Variants in THSD7B observed in about 807,000 individuals in gnomAD.
The protein encoded by THSD7B is thrombospondin type-1 domain-containing protein 7B.
A neutral mutation model predicts 213.6 loss-of-function variants in THSD7B; 138 were observed. That is an observed-to-expected ratio of 0.65 (90% CI 0.56 to 0.74). THSD7B has a LOEUF of 0.74. THSD7B is among the 30% of genes least tolerant of loss of function. The pLI is 0.00. For synonymous variants in THSD7B, 742 were observed against 687.0 expected (o/e 1.08, Z -1.25); for missense variants, 1,931 against 1,991.5 (o/e 0.97, Z 0.58).
At chr2:136,888,864 A>G (rs17722488) in intron 2 of THSD7B, among the ~76,000 whole-genome samples, 4,994 of 152,270 alleles carry the variant, frequency 0.033, 99 homozygotes, top group Middle Eastern at 0.1. Flanking sequence ...TGTCAAGAAT[A>G]TACATAACCT....
At chr2:137,228,106 C>T (rs1457335244) in intron 7 of THSD7B, among the ~76,000 whole-genome samples, 1 of 150,480 alleles carries the variant, frequency 6.6e-6, no homozygotes, top group African/African-American at 2.4e-5. Context: ...TTAATTGAGT[C>T]TGGCTAGACA....
intron 2 of THSD7B, among the ~76,000 whole-genome samples, chr2:136,943,437 A>G (rs1197407084): frequency 6.6e-6 from 1 of 152,064 alleles, no homozygotes; most frequent in Non-Finnish European, 1.5e-5. Context: ...TATTAATTGG[A>G]ATAGTTTCAG....
rs1269076836 is a variant in THSD7B, at chr2:137,233,043, G to A, written c.2060G>A (p.Gly687Asp). 1.2e-6 allele frequency: 2 copies of A among 1,613,856 alleles called. No homozygotes were observed. Among genetic ancestry groups the A allele is most frequent in the African/African-American group, 2.7e-5 (2 of 74,944 alleles). The change falls in exon 9 of 28, where the codon GGC becomes GAC. Residue 687 changes from glycine to aspartate, a missense_variant. By Grantham distance (94) the Gly-to-Asp change is moderately conservative. Coordinates refer to ENST00000409968, the MANE Select transcript of THSD7B (RefSeq NM_001316349.2). ...TLVTALNATI[G>D]WNGEATCGVG... ...GTAACTGCCCTTAATGCAACCATTG[G>A]CTGGAATGGAGAAGCCACGTGTGGT...
Position 137,170,945 on chromosome 2 carries a change from C to T in THSD7B, c.1723+7C>T, listed in dbSNP as rs1257223741. ...GTCTGCCAGAATGACCGCGGTATGA[C>T]CCAGTGACCCACTAGAGGTGTTAGG... On this transcript the variant is annotated splice_region_variant and intron_variant, in intron 7 of 27. Coordinates refer to ENST00000409968, the MANE Select transcript of THSD7B (RefSeq NM_001316349.2). 6.2e-7 allele frequency: 1 copy of T among 1,611,474 alleles called. No homozygotes were observed. Among genetic ancestry groups the T allele is most frequent in the Non-Finnish European group, 8.5e-7 (1 of 1,179,524 alleles).
intron 2 of THSD7B, among the ~76,000 whole-genome samples, chr2:137,042,343 T>C (rs1242754802): frequency 6.6e-6 from 1 of 152,204 alleles, no homozygotes; most frequent in Non-Finnish European, 1.5e-5. Flanking sequence ...AAAGATCATT[T>C]ACCTCATCTA....
At chr2:136,919,098 C>T (rs1684394198) in intron 2 of THSD7B, among the ~76,000 whole-genome samples, 1 of 152,134 alleles carries the variant, frequency 6.6e-6, no homozygotes, top group Non-Finnish European at 1.5e-5. Context: ...GAAACAATTT[C>T]CCAAATGATG....
chr2:137,036,043 A>G (rs1008044148), intron 2 of THSD7B, among the ~76,000 whole-genome samples: 7 of 152,198 alleles, frequency 4.6e-5, no homozygotes, highest in African/African-American at 7.2e-5. Context: ...AAAATGTGCA[A>G]ACACTTAAAA....
chr2:137,483,208 G>A (rs967056253), intron 15 of THSD7B, among the ~76,000 whole-genome samples: 5 of 152,196 alleles, frequency 3.3e-5, no homozygotes, highest in African/African-American at 1.2e-4. Flanking sequence ...TGACCAGAAT[G>A]TTCTACGTGC....
intron 1 of THSD7B, among the ~76,000 whole-genome samples, chr2:136,772,867 G>A (rs1681533099): frequency 6.6e-6 from 1 of 152,116 alleles, no homozygotes; most frequent in South Asian, 2.1e-4. Context: ...GAGTTTTCTT[G>A]ACATGAACTT....
intron 15 of THSD7B, among the ~76,000 whole-genome samples, chr2:137,542,587 A>G (rs1680629502): frequency 6.6e-6 from 1 of 151,708 alleles, no homozygotes; most frequent in Non-Finnish European, 1.5e-5. Flanking sequence ...ATAACACAAT[A>G]TACATTCTTC....
chr2:137,398,551 C>T (rs1166128070), intron 12 of THSD7B, among the ~76,000 whole-genome samples: 2 of 151,716 alleles, frequency 1.3e-5, no homozygotes, highest in African/African-American at 4.8e-5. Flanking sequence ...GCTGGGAGAA[C>T]CACTGCTCTC....
intron 2 of THSD7B, among the ~76,000 whole-genome samples, chr2:136,945,153 A>G (rs1484557314): frequency 6.6e-6 from 1 of 152,126 alleles, no homozygotes; most frequent in African/African-American, 2.4e-5. Context: ...TCTGAAGCTT[A>G]GTTTGGCTGG....
intron 21 of THSD7B, among the ~76,000 whole-genome samples, chr2:137,650,398 A>G (rs1416450919): frequency 1.3e-5 from 2 of 152,204 alleles, no homozygotes; most frequent in Non-Finnish European, 1.5e-5. Flanking sequence ...CTGTTGGTGT[A>G]TATAAATGCT....
chr2:137,215,210 T>C (rs62171066), intron 7 of THSD7B, among the ~76,000 whole-genome samples: 90,858 of 152,116 alleles, frequency 0.6, 27,556 homozygotes, highest in South Asian at 0.71. Context: ...TTCATGTTTG[T>C]TGGCTGCACA....
At chr2:137,167,450 A>G (rs374676883) in intron 6 of THSD7B, among the ~76,000 whole-genome samples, 6 of 152,182 alleles carry the variant, frequency 3.9e-5, no homozygotes, top group Middle Eastern at 3.4e-3. Context: ...GCCTGTCCCA[A>G]TGGAGTCGGT....
chr2:137,504,050 G>T (rs1371403875), intron 15 of THSD7B, among the ~76,000 whole-genome samples: 1 of 147,796 alleles, frequency 6.8e-6, no homozygotes, highest in African/African-American at 2.5e-5. Context: ...AAAAAAAAAA[G>T]AAAGAGAAAA....
intron 12 of THSD7B, among the ~76,000 whole-genome samples, chr2:137,313,747 A>G (rs934539786): frequency 6.6e-6 from 1 of 151,982 alleles, no homozygotes; most frequent in Admixed American, 6.6e-5. Flanking sequence ...AAAGGATTTT[A>G]TTTCCCCTTC....
At chr2:137,450,392 C>G (rs376362104) in intron 14 of THSD7B, among the ~76,000 whole-genome samples, 1 of 152,202 alleles carries the variant, frequency 6.6e-6, no homozygotes, top group Non-Finnish European at 1.5e-5. Context: ...ACTGTCTGTC[C>G]TCTTCCCATC....
At chr2:136,898,579 G>GCCGC (rs1553456492) in intron 2 of THSD7B, among the ~76,000 whole-genome samples, 1 of 116,584 alleles carries the variant, frequency 8.6e-6, no homozygotes, top group Non-Finnish European at 1.8e-5. Context: ...TTGTCCCCCC[G>GCCGC]CCCCCCCGCC....
Sources: allele counts gnomAD v4.1 joint callset (sites outside exome capture counted in the v4.1 genomes callset), GRCh38; gene constraint gnomAD v4.1.1; transcripts MANE v1.5; gene names NCBI Gene and HGNC (gene_info 2026-07-23, HGNC 2026-07-21).